CDH23: variants seen among roughly 807,000 people sequenced by gnomAD.
CDH23 encodes cadherin related 23.
In CDH23, 189 loss-of-function variants were observed where a neutral mutation model predicts 317.1. The ratio of observed to expected loss-of-function variants is 0.60; its 90% CI spans 0.53 to 0.67. The LOEUF is 0.67. Ranked by LOEUF, CDH23 falls within the 30% of genes least tolerant of loss-of-function variation. The pLI is 0.00. For missense variants in CDH23, 4,401 were observed against 4,592.4 expected, an observed-to-expected ratio of 0.96 and a Z score of 1.20; for synonymous variants, 1,839 against 1,876.8, an observed-to-expected ratio of 0.98 and a Z score of 0.52.
chr10:71,608,681 G>A (rs565616083), intron 9 of CDH23, among the ~76,000 whole-genome samples: 1 of 152,326 alleles, frequency 6.6e-6, no homozygotes, highest in African/African-American at 2.4e-5. Flanking sequence ...TCAAGGCCAC[G>A]CTGGGTCTCC....
intron 45 of CDH23, among the ~76,000 whole-genome samples, 174 bp from the exon 46 acceptor site, chr10:71,790,114 C>T (rs536898092): frequency 9.2e-5 from 14 of 152,340 alleles, no homozygotes; most frequent in South Asian, 6.2e-4. Flanking sequence ...CAGGCATCTG[C>T]GTTCAGTCTG....
chr10:71,708,569 C>A (rs983488769), intron 26 of CDH23, among the ~76,000 whole-genome samples: 8 of 152,224 alleles, frequency 5.3e-5, no homozygotes, highest in African/African-American at 1.7e-4. Context: ...TGACTCCTCC[C>A]TCTGTGGAGC....
At position 71,572,633 on chromosome 10, in the gene CDH23, C is replaced by T. The variant is rs1857894679; in HGVS notation, c.753+1715C>T. Reference sequence around the variant, plus strand: ...CCTGCTCTTGTCGCCAGCCCAAAGTCCACCCACCCATTTGTTCCCAGTTCA... The same window carrying T: ...CCTGCTCTTGTCGCCAGCCCAAAGTTCACCCACCCATTTGTTCCCAGTTCA... On this transcript the variant is annotated intron_variant, in intron 8 of 69. Transcript: ENST00000224721. 1.3e-5 allele frequency among the ~76,000 whole-genome samples: 2 copies of T among 152,114 alleles called. 1 individual carries two copies. The highest frequency in any genetic ancestry group is 4.1e-4 in the South Asian group (2 of 4,830).
At chr10:71,810,215 T>C in intron 61 of CDH23, 139 bp downstream of exon 61, 1 of 1,093,410 alleles carries the variant, frequency 9.1e-7, no homozygotes, top group Non-Finnish European at 1.3e-6. Flanking sequence ...TTCCTATCAG[T>C]GCAGCTTTGA....
intron 3 of CDH23, among the ~76,000 whole-genome samples, chr10:71,447,897 A>G (rs1004770754): frequency 6.6e-6 from 1 of 152,196 alleles, no homozygotes; most frequent in African/African-American, 2.4e-5. Flanking sequence ...GCATGGAGCC[A>G]ACATAGCAGC....
chr10:71,414,758 G>T (rs1308500708), intron 1 of CDH23, among the ~76,000 whole-genome samples: 1 of 152,170 alleles, frequency 6.6e-6, no homozygotes, highest in Non-Finnish European at 1.5e-5. Context: ...TTCTGGAGGA[G>T]TGTGGATAAG....
chr10:71,539,936 A>G (rs1386607971), intron 6 of CDH23, among the ~76,000 whole-genome samples: 1 of 152,148 alleles, frequency 6.6e-6, no homozygotes, highest in African/African-American at 2.4e-5. Flanking sequence ...ATGGTGGAAG[A>G]GCAAGGATGC....
intron 14 of CDH23, among the ~76,000 whole-genome samples, chr10:71,660,142 G>A (rs1486312994): frequency 1.3e-5 from 2 of 151,868 alleles, no homozygotes; most frequent in African/African-American, 4.8e-5. Flanking sequence ...TGTATTTTTA[G>A]TAGAGATGGG....
At chr10:71,803,785 C>A (rs1841626236) in intron 55 of CDH23, among the ~76,000 whole-genome samples, 1 of 105,612 alleles carries the variant, frequency 9.5e-6, no homozygotes, top group African/African-American at 3.8e-5. Flanking sequence ...GCCTGGCCAA[C>A]ATAGTGAAAC....
At chr10:71,428,573 G>C (rs543766418) in intron 1 of CDH23, among the ~76,000 whole-genome samples, 1 of 151,550 alleles carries the variant, frequency 6.6e-6, no homozygotes, top group African/African-American at 2.4e-5. Flanking sequence ...GGGCTTATTG[G>C]CCATTTGTAT....
intron 6 of CDH23, among the ~76,000 whole-genome samples, chr10:71,515,394 T>TCTCTCTCTCTCA (rs1491490493): frequency 5.9e-3 from 158 of 26,680 alleles, no homozygotes; most frequent in African/African-American, 0.013. Context: ...TCTCTCTCTC[T>TCTCTCTCTCTCA]CACACACACA....
At chr10:71,695,060 G>A (rs985677415) in intron 21 of CDH23, among the ~76,000 whole-genome samples, 3 of 152,214 alleles carry the variant, frequency 2.0e-5, no homozygotes, top group Non-Finnish European at 2.9e-5. Flanking sequence ...TGCTTGGCTT[G>A]TAGCTGAGAC....
chr10:71,580,387 C>T (rs556062957), intron 9 of CDH23, among the ~76,000 whole-genome samples: 6 of 152,102 alleles, frequency 3.9e-5, no homozygotes, highest in Non-Finnish European at 7.4e-5. Context: ...TGTGTGGAGG[C>T]GAGGGCAGGA....
At chr10:71,494,209 T>G (rs1852828471) in intron 3 of CDH23, among the ~76,000 whole-genome samples, 1 of 152,164 alleles carries the variant, frequency 6.6e-6, no homozygotes, top group Non-Finnish European at 1.5e-5. Context: ...AGGCTCTGAG[T>G]GAGGACTTGG....
chr10:71,706,374 G>A (rs1361451666), intron 25 of CDH23, among the ~76,000 whole-genome samples: 1 of 152,164 alleles, frequency 6.6e-6, no homozygotes, highest in East Asian at 1.9e-4. Context: ...CCTCCACTGT[G>A]CCACTGTGTG....
chr10:71,511,225 G>A lies in CDH23; in HGVS notation c.429+13G>A, dbSNP rs3802719. 0.67 allele frequency: 1,076,461 copies of A among 1,610,480 alleles called. 364,431 individuals are homozygous for A. The highest frequency in any genetic ancestry group is 0.91 in the African/African-American group (68,297 of 74,898). ...CCGCATCCCTGAGGTAGGAGCCACTGGGGTTACCCTTGAGGGTATCAGAGA... is the reference window on the plus strand; with the variant it reads ...CCGCATCCCTGAGGTAGGAGCCACTAGGGTTACCCTTGAGGGTATCAGAGA... On this transcript the variant is annotated intron_variant, in intron 6 of 69. Transcript: ENST00000224721.
intron 18 of CDH23, 141 bp downstream of exon 18, chr10:71,682,713 C>A: frequency 9.2e-7 from 1 of 1,089,530 alleles, no homozygotes; most frequent in Non-Finnish European, 1.3e-6. Flanking sequence ...CCATCTGTCC[C>A]AAAGCCTGCC....
At chr10:71,556,287 A>G (rs953683401) in intron 6 of CDH23, among the ~76,000 whole-genome samples, 12 of 152,286 alleles carry the variant, frequency 7.9e-5, no homozygotes, top group African/African-American at 2.6e-4. Flanking sequence ...TTCAGGATCC[A>G]TTGCAGGGGG....
chr10:71,764,265 T>C (rs1045844478), intron 38 of CDH23, among the ~76,000 whole-genome samples: 3 of 152,162 alleles, frequency 2.0e-5, no homozygotes, highest in Non-Finnish European at 4.4e-5. Context: ...TATCTAACAA[T>C]GCCATAAGGT....
Sources: gnomAD v4.1 joint callset for allele counts (sites outside exome capture counted in the v4.1 genomes callset) on GRCh38, gnomAD v4.1.1 for gene constraint, MANE v1.5 for transcripts, NCBI Gene and HGNC (gene_info 2026-07-23, HGNC 2026-07-21) for gene names.